Variants in CNTLN observed in about 807,000 individuals in gnomAD.
CNTLN encodes centlein, centrosomal protein.
CNTLN carries 212 observed loss-of-function variants against 180.0 expected under a neutral mutation model. The ratio of observed to expected loss-of-function variants is 1.18; its 90% CI spans 1.05 to 1.32. CNTLN has a LOEUF of 1.32. CNTLN is among the 40% of genes most tolerant of loss of function. CNTLN has a pLI of 0.00. For missense variants in CNTLN, 2,095 were observed against 1,610.9 expected, an observed-to-expected ratio of 1.30 and a Z score of -5.14; for synonymous variants, 722 against 563.1, an observed-to-expected ratio of 1.28 and a Z score of -3.99.
chr9:17,163,106 A>G (rs1274645842), intron 2 of CNTLN, among the ~76,000 whole-genome samples: 1 of 152,224 alleles, frequency 6.6e-6, no homozygotes, highest in Non-Finnish European at 1.5e-5. Context: ...AAGAGCATGT[A>G]CAGTGGAACT....
chr9:17,203,148 A>G (rs1822669966), intron 2 of CNTLN, among the ~76,000 whole-genome samples: 1 of 152,132 alleles, frequency 6.6e-6, no homozygotes, highest in African/African-American at 2.4e-5. Flanking sequence ...TTCTTTAAGA[A>G]TGTTGAATAT....
chr9:17,276,956 G>A (rs886954300), intron 6 of CNTLN, among the ~76,000 whole-genome samples: 1 of 152,022 alleles, frequency 6.6e-6, no homozygotes, highest in Non-Finnish European at 1.5e-5. Flanking sequence ...CATATATAAT[G>A]ATGTACATGT....
intron 18 of CNTLN, among the ~76,000 whole-genome samples, chr9:17,420,647 G>T (rs1197204223): frequency 1.3e-5 from 2 of 151,812 alleles, no homozygotes; most frequent in Non-Finnish European, 2.9e-5. Context: ...GCATCATTAG[G>T]TTGTTTATCT....
intron 5 of CNTLN, among the ~76,000 whole-genome samples, chr9:17,252,400 T>G (rs1826198362): frequency 6.6e-6 from 1 of 151,718 alleles, no homozygotes; most frequent in Non-Finnish European, 1.5e-5. Context: ...TATCCTCACT[T>G]ACATCTGTTA....
intron 5 of CNTLN, 69 bp downstream of exon 5, chr9:17,236,657 T>A: frequency 8.0e-7 from 1 of 1,251,836 alleles, no homozygotes; most frequent in Non-Finnish European, 1.1e-6. Flanking sequence ...TTAATACATG[T>A]TATTTTCTTT....
At chr9:17,444,020 T>C (rs1436043907) in intron 18 of CNTLN, among the ~76,000 whole-genome samples, 1 of 152,170 alleles carries the variant, frequency 6.6e-6, no homozygotes, top group African/African-American at 2.4e-5. Flanking sequence ...CTAAGAAGAC[T>C]GTATTAACAA....
At chr9:17,367,369 T>A (rs939665374) in intron 13 of CNTLN, among the ~76,000 whole-genome samples, 1 of 151,148 alleles carries the variant, frequency 6.6e-6, no homozygotes, top group African/African-American at 2.4e-5. Context: ...GCAAGCCTCA[T>A]TACCACAGGA....
At chr9:17,427,252 G>A (rs1355078658) in intron 18 of CNTLN, among the ~76,000 whole-genome samples, 1 of 149,842 alleles carries the variant, frequency 6.7e-6, no homozygotes, top group Non-Finnish European at 1.5e-5. Context: ...CTCTATAGGT[G>A]ACTATGATCC....
intron 3 of CNTLN, among the ~76,000 whole-genome samples, chr9:17,227,750 T>G (rs916576208): frequency 2.0e-5 from 3 of 152,056 alleles, no homozygotes; most frequent in African/African-American, 4.8e-5. Flanking sequence ...AATTTACACG[T>G]TTTCCAAAGT....
chr9:17,387,755 A>G (rs558144128), intron 13 of CNTLN, among the ~76,000 whole-genome samples: 1 of 152,252 alleles, frequency 6.6e-6, no homozygotes, highest in South Asian at 2.1e-4. Context: ...TGCTTTGTTC[A>G]GCAATCACTG....
intron 12 of CNTLN, among the ~76,000 whole-genome samples, chr9:17,352,389 A>AATATATATATATATATATATATATATAT (rs373257904): frequency 1.2e-5 from 1 of 84,464 alleles, no homozygotes; most frequent in African/African-American, 4.2e-5. Flanking sequence ...CTCAAGCTAG[A>AATATATATATATATATATATATATATAT]ATATATATAT....
At chr9:17,302,437 G>A (rs2132840425) in intron 7 of CNTLN, among the ~76,000 whole-genome samples, 1 of 152,210 alleles carries the variant, frequency 6.6e-6, no homozygotes, top group Non-Finnish European at 1.5e-5. Flanking sequence ...TACCTCAGGT[G>A]ATCCATCCGC....
In CNTLN at chr9:17,320,470, T is replaced by G. The variant is rs1819832454; in HGVS notation, c.1342-10162T>G. ...TCCTGCCTCTTAAAACTATGTTTTC[T>G]TAAATAATATATTCCAATGCCTTTT... is the stretch of plus-strand genomic sequence containing the variant. On this transcript the variant is annotated intron_variant, in intron 8 of 25. Coordinates refer to ENST00000380647, the MANE Select transcript of CNTLN (RefSeq NM_017738.4). Among the ~76,000 whole-genome samples, 3 of 149,200 alleles carry G rather than the reference T, an allele frequency of 2.0e-5. No homozygotes were observed. The Admixed American group carries it at 2.0e-4, about 10-fold the overall frequency.
In CNTLN at chr9:17,165,358, G is replaced by T. The variant is rs144118319; in HGVS notation, c.449+21982G>T. ...CTAGTAGAGTTTTAAAAGTGTAGAA[G>T]CACCTAAAGAGAAGTAGAGAAAAGG... On this transcript the variant is annotated intron_variant, in intron 2 of 25. Transcript: ENST00000380647. Among the ~76,000 whole-genome samples the T allele has an allele frequency of 1.6e-3, 242 of 152,246 alleles. 1 individual carries two copies. Among genetic ancestry groups the T allele is most frequent in the African/African-American group, 5.6e-3 (233 of 41,548 alleles).
intron 2 of CNTLN, among the ~76,000 whole-genome samples, chr9:17,202,447 G>T (rs1822597013): frequency 6.6e-6 from 1 of 152,076 alleles, no homozygotes; most frequent in Admixed American, 6.5e-5. Context: ...CTATTATTGT[G>T]TGGGAGTCTA....
chr9:17,419,613 CT>C (rs971258769), intron 18 of CNTLN, among the ~76,000 whole-genome samples: 9 of 151,980 alleles, frequency 5.9e-5, no homozygotes, highest in African/African-American at 2.2e-4. Context: ...GAGAAATTAA[CT>C]TTGTTTTCTA....
chr9:17,452,556 A>G (rs1830845964), intron 18 of CNTLN, among the ~76,000 whole-genome samples: 1 of 152,140 alleles, frequency 6.6e-6, no homozygotes, highest in South Asian at 2.1e-4. Flanking sequence ...TCTTCATAGC[A>G]CTTACTATAG....
At chr9:17,473,088 C>A (rs1832119707) in intron 23 of CNTLN, among the ~76,000 whole-genome samples, 1 of 152,146 alleles carries the variant, frequency 6.6e-6, no homozygotes, top group Non-Finnish European at 1.5e-5. Flanking sequence ...CTACTTCCCA[C>A]CTGAACCCAA....
intron 25 of CNTLN, among the ~76,000 whole-genome samples, chr9:17,496,853 A>G (rs1050430334): frequency 6.6e-6 from 1 of 152,206 alleles, no homozygotes; most frequent in African/African-American, 2.4e-5. Flanking sequence ...AAGTATATAT[A>G]CTACACAGTT....
Sources: allele counts gnomAD v4.1 joint callset (sites outside exome capture counted in the v4.1 genomes callset), GRCh38; gene constraint gnomAD v4.1.1; transcripts MANE v1.5; gene names NCBI Gene and HGNC (gene_info 2026-07-23, HGNC 2026-07-21).